Variants in SORCS3 observed in about 807,000 individuals in gnomAD.
SORCS3 encodes the protein VPS10 domain-containing receptor SorCS3.
A neutral mutation model predicts 146.3 loss-of-function variants in SORCS3; 57 were observed. The observed-to-expected ratio is 0.39, with a 90% CI of 0.31 to 0.49. The LOEUF is 0.49. Among genes scored for constraint, SORCS3 ranks in the 20% least tolerant of loss-of-function variants. The pLI is 0.92. For missense variants in SORCS3, 1,341 were observed against 1,575.5 expected, an observed-to-expected ratio of 0.85 and a Z score of 2.52; for synonymous variants, 653 against 618.5, an observed-to-expected ratio of 1.06 and a Z score of -0.83.
intron 1 of SORCS3, among the ~76,000 whole-genome samples, chr10:104,799,854 T>A (rs1280460685): frequency 6.6e-6 from 1 of 152,038 alleles, no homozygotes; most frequent in Non-Finnish European, 1.5e-5. Context: ...TTTTTTGTAT[T>A]TTTAGTAGAG....
chr10:104,808,692 T>C (rs1352609969), intron 1 of SORCS3, among the ~76,000 whole-genome samples: 1 of 152,216 alleles, frequency 6.6e-6, no homozygotes, highest in Admixed American at 6.5e-5. Context: ...GAAGAAGCTC[T>C]ATCAGCCATC....
At chr10:104,915,373 A>G (rs74155064) in intron 2 of SORCS3, among the ~76,000 whole-genome samples, 2,539 of 152,212 alleles carry the variant, frequency 0.017, 63 homozygotes, top group African/African-American at 0.057. Context: ...TTCAGGCTCA[A>G]TGGAGTGGGT....
At chr10:105,062,748 A>G (rs1256524793) in intron 5 of SORCS3, among the ~76,000 whole-genome samples, 1 of 152,220 alleles carries the variant, frequency 6.6e-6, no homozygotes, top group Non-Finnish European at 1.5e-5. Flanking sequence ...TCCTTTCTGT[A>G]CTGAACCCCA....
At chr10:105,167,215 T>C (rs758564826) in intron 12 of SORCS3, 43 bp from the exon 13 acceptor site, 1 of 1,463,770 alleles carries the variant, frequency 6.8e-7, no homozygotes, top group South Asian at 1.2e-5. Context: ...TATGCAAATG[T>C]AAGGTGTTGC....
At chr10:104,877,141 G>T (rs1475781975) in intron 2 of SORCS3, among the ~76,000 whole-genome samples, 1 of 152,104 alleles carries the variant, frequency 6.6e-6, no homozygotes, top group Non-Finnish European at 1.5e-5. Context: ...GTGAGTCACA[G>T]CACCCAGCCA....
At chr10:104,711,293 G>A (rs2016413328) in intron 1 of SORCS3, among the ~76,000 whole-genome samples, 1 of 152,204 alleles carries the variant, frequency 6.6e-6, no homozygotes, top group Non-Finnish European at 1.5e-5. Flanking sequence ...ATCTGATCCA[G>A]GTTTTAAACT....
intron 5 of SORCS3, among the ~76,000 whole-genome samples, chr10:105,056,396 T>A (rs1478559720): frequency 1.3e-5 from 2 of 152,076 alleles, no homozygotes; most frequent in Admixed American, 6.6e-5. Context: ...CCAGCAACTC[T>A]GTTAGGAAAA....
At chr10:104,794,378 A>T (rs923662683) in intron 1 of SORCS3, among the ~76,000 whole-genome samples, 14 of 152,064 alleles carry the variant, frequency 9.2e-5, no homozygotes, top group Admixed American at 2.6e-4. Context: ...AGCCAAAGTG[A>T]TGAAGAGCCA....
intron 1 of SORCS3, among the ~76,000 whole-genome samples, chr10:104,814,126 C>T (rs1009543491): frequency 6.6e-6 from 1 of 152,018 alleles, no homozygotes; most frequent in African/African-American, 2.4e-5. Flanking sequence ...TCACTCACAG[C>T]AGTGGAATGG....
Position 105,128,149 on chromosome 10 carries a change from A to G in SORCS3, c.1213-11248A>G, listed in dbSNP as rs557621833. Among the ~76,000 whole-genome samples, 4 of 152,296 alleles carry G rather than the reference A, an allele frequency of 2.6e-5. No homozygotes were observed. The South Asian group carries it at 8.3e-4, about 32-fold the overall frequency. On this transcript the variant is annotated intron_variant, in intron 7 of 26. Coordinates refer to ENST00000369701, the MANE Select transcript of SORCS3 (RefSeq NM_014978.3). ...TGCAAGAGCAGGCAGTGCATATTAC[A>G]TGGTAAGCATAGAGCCTGGCCCTCC... is the stretch of plus-strand genomic sequence containing the variant.
chr10:105,179,934 C>T (rs894520170), intron 14 of SORCS3, among the ~76,000 whole-genome samples: 1 of 152,184 alleles, frequency 6.6e-6, no homozygotes, highest in Non-Finnish European at 1.5e-5. Flanking sequence ...ACTGTGTATC[C>T]TTCCCCTTAC....
At position 105,262,498 on chromosome 10, in the gene SORCS3, G is replaced by A. The variant is rs374679700; in HGVS notation, c.3604+7G>A. 7.4e-6 allele frequency: 12 copies of A among 1,611,686 alleles called. No individual in the cohort carries two copies. The highest frequency in any genetic ancestry group is 1.8e-4 in the Middle Eastern group (1 of 5,422). ...CTGGACACGCGGGTCATAGGTACAT[G>A]CTCCTGCTCCACTAAGCTCCCCTGT... On this transcript the variant is annotated splice_region_variant and intron_variant, in intron 26 of 26. Transcript: ENST00000369701.
intron 1 of SORCS3, among the ~76,000 whole-genome samples, chr10:104,713,479 T>C (rs1394355003): frequency 1.3e-5 from 2 of 152,196 alleles, no homozygotes; most frequent in Non-Finnish European, 2.9e-5. Context: ...CCTCTGTTTC[T>C]AGTTTGCTGA....
intron 2 of SORCS3, among the ~76,000 whole-genome samples, chr10:104,902,075 A>G (rs921058430): frequency 2.6e-5 from 4 of 152,198 alleles, no homozygotes; most frequent in African/African-American, 9.7e-5. Context: ...ACAGAGAAAG[A>G]GAGTAATCAA....
At chr10:105,006,914 G>A (rs893160169) in intron 4 of SORCS3, among the ~76,000 whole-genome samples, 1 of 152,068 alleles carries the variant, frequency 6.6e-6, no homozygotes, top group Admixed American at 6.5e-5. Context: ...TCTTATCTGT[G>A]GCATGTCTGT....
At chr10:104,996,874 C>T (rs1476820740) in intron 4 of SORCS3, among the ~76,000 whole-genome samples, 2 of 152,128 alleles carry the variant, frequency 1.3e-5, no homozygotes, top group African/African-American at 4.8e-5. Context: ...AACTTCTGCC[C>T]TCACCTGTCA....
chr10:104,807,228 T>TGCGTGCGCATGCAC (rs1274750651), intron 1 of SORCS3, among the ~76,000 whole-genome samples: 3 of 152,048 alleles, frequency 2.0e-5, no homozygotes, highest in Non-Finnish European at 2.9e-5. Context: ...TGTGCATGCA[T>TGCGTGCGCATGCAC]GCGTGCGCAT....
At chr10:104,699,618 G>A (rs2016256741) in intron 1 of SORCS3, among the ~76,000 whole-genome samples, 1 of 152,086 alleles carries the variant, frequency 6.6e-6, no homozygotes, top group Non-Finnish European at 1.5e-5. Flanking sequence ...GGAATATGAT[G>A]GCATGTTTGG....
At chr10:105,098,303 T>C (rs1055188524) in intron 6 of SORCS3, among the ~76,000 whole-genome samples, 4 of 152,144 alleles carry the variant, frequency 2.6e-5, no homozygotes, top group Non-Finnish European at 5.9e-5. Flanking sequence ...ACTTTATGGA[T>C]TGAGATATAG....
Sources: gnomAD v4.1 joint callset for allele counts (sites outside exome capture counted in the v4.1 genomes callset) on GRCh38, gnomAD v4.1.1 for gene constraint, MANE v1.5 for transcripts, NCBI Gene and HGNC (gene_info 2026-07-23, HGNC 2026-07-21) for gene names.